Variants in NAALADL2 observed in about 807,000 individuals in gnomAD.
The protein encoded by NAALADL2 is N-acetylated alpha-linked acidic dipeptidase like 2.
NAALADL2 carries 76 observed loss-of-function variants against 87.2 expected under a neutral mutation model. The observed-to-expected ratio is 0.87, with a 90% CI of 0.72 to 1.05. The LOEUF (loss-of-function observed/expected upper bound fraction) is 1.05. NAALADL2 is among the 50% of genes least tolerant of loss of function. NAALADL2 has a pLI of 0.00. For synonymous variants in NAALADL2, 354 were observed against 331.0 expected, an observed-to-expected ratio of 1.07 and a Z score of -0.75; for missense variants, 1,089 against 945.8, an observed-to-expected ratio of 1.15 and a Z score of -1.99.
At chr3:175,357,776 T>C (rs1436710674) in intron 5 of NAALADL2, among the ~76,000 whole-genome samples, 1 of 152,192 alleles carries the variant, frequency 6.6e-6, no homozygotes, top group East Asian at 1.9e-4. Flanking sequence ...AAAGTAATGG[T>C]AGGTGTGCCT....
intron 4 of NAALADL2, among the ~76,000 whole-genome samples, chr3:175,289,027 A>G (rs946788942): frequency 2.0e-5 from 3 of 152,136 alleles, no homozygotes; most frequent in African/African-American, 7.2e-5. Flanking sequence ...GGATTAATAT[A>G]TTTGTTACTT....
intron 1 of NAALADL2, among the ~76,000 whole-genome samples, chr3:174,442,110 G>A (rs1714696999): frequency 6.6e-6 from 1 of 152,100 alleles, no homozygotes; most frequent in Non-Finnish European, 1.5e-5. Context: ...ACGGTTCTTT[G>A]TCATCTGTGA....
intron 10 of NAALADL2, among the ~76,000 whole-genome samples, chr3:175,587,791 G>A (rs1168924490): frequency 6.6e-6 from 1 of 152,114 alleles, no homozygotes; most frequent in Non-Finnish European, 1.5e-5. Context: ...TTGCATATGT[G>A]TGGACACCCA....
At chr3:174,620,673 A>T (rs1255737058) in intron 2 of NAALADL2, among the ~76,000 whole-genome samples, 3 of 152,088 alleles carry the variant, frequency 2.0e-5, no homozygotes, top group African/African-American at 4.8e-5. Context: ...AAACTGAACT[A>T]GGAAAATCTT....
chr3:174,929,582 T>C (rs1280865624), intron 1 of NAALADL2, among the ~76,000 whole-genome samples: 2 of 152,148 alleles, frequency 1.3e-5, no homozygotes, highest in South Asian at 2.1e-4. Context: ...ATACATATTA[T>C]TATGAAAATT....
intron 9 of NAALADL2, among the ~76,000 whole-genome samples, chr3:175,527,964 C>T (rs1047818185): frequency 3.9e-5 from 6 of 152,018 alleles, no homozygotes; most frequent in Admixed American, 1.3e-4. Context: ...CCACAGATTC[C>T]GAATCTTGTT....
rs761623724 is a variant in NAALADL2, at chr3:175,372,348, T to TA, written c.1090+48024dup. The stretch of plus-strand genomic sequence containing the variant: ...TTCTCTATATCTACCTAGTATCAGT[T>TA]AGAGTTTCGTGTTTTCCTTCATGTA... On this transcript the variant is annotated intron_variant, in intron 5 of 13. Transcript: ENST00000454872. 6.6e-5 allele frequency among the ~76,000 whole-genome samples: 10 copies of TA among 152,372 alleles called. No individual in the cohort carries two copies. In the South Asian group the frequency reaches 1.9e-3, roughly 28 times the overall value.
At chr3:175,464,738 A>T (rs930297942) in intron 7 of NAALADL2, among the ~76,000 whole-genome samples, 1 of 152,208 alleles carries the variant, frequency 6.6e-6, no homozygotes, top group African/African-American at 2.4e-5. Context: ...TACAAAGTTC[A>T]TGAAAGCCAG....
At chr3:174,669,976 T>G (rs1726370377) in intron 2 of NAALADL2, among the ~76,000 whole-genome samples, 1 of 152,122 alleles carries the variant, frequency 6.6e-6, no homozygotes, top group African/African-American at 2.4e-5. Flanking sequence ...AGTTTATTTC[T>G]AAGTATTTTA....
chr3:174,702,577 G>A (rs150765246), intron 2 of NAALADL2, among the ~76,000 whole-genome samples: 203 of 152,330 alleles, frequency 1.3e-3, no homozygotes, highest in Non-Finnish European at 2.5e-3. Flanking sequence ...ATCATAGAGT[G>A]TACTTACACA....
intron 10 of NAALADL2, among the ~76,000 whole-genome samples, chr3:175,614,551 C>T (rs1462643785): frequency 6.6e-6 from 1 of 152,126 alleles, no homozygotes; most frequent in African/African-American, 2.4e-5. Flanking sequence ...AGCCTCCTGC[C>T]TATCAGAAAA....
intron 13 of NAALADL2, among the ~76,000 whole-genome samples, chr3:175,789,835 C>T (rs1752561164): frequency 1.3e-5 from 2 of 152,120 alleles, no homozygotes; most frequent in African/African-American, 4.8e-5. Flanking sequence ...TAGTACCACA[C>T]ATCTTACAAA....
chr3:175,725,981 A>G (rs1742864668), intron 11 of NAALADL2, among the ~76,000 whole-genome samples: 1 of 152,134 alleles, frequency 6.6e-6, no homozygotes. Context: ...ACTACTAAAC[A>G]TAGTAAAAAT....
At chr3:175,252,691 A>G (rs770126086) in intron 3 of NAALADL2, among the ~76,000 whole-genome samples, 2 of 152,228 alleles carry the variant, frequency 1.3e-5, no homozygotes, top group Non-Finnish European at 2.9e-5. Context: ...CCTTGTGTCA[A>G]ACAGCCAAGT....
At chr3:175,006,381 T>C (rs1274160630) in intron 1 of NAALADL2, among the ~76,000 whole-genome samples, 1 of 152,172 alleles carries the variant, frequency 6.6e-6, no homozygotes, top group Non-Finnish European at 1.5e-5. Flanking sequence ...TTATATGTCT[T>C]ACCATACCCA....
At chr3:175,209,533 T>C (rs907649276) in intron 2 of NAALADL2, among the ~76,000 whole-genome samples, 5 of 152,074 alleles carry the variant, frequency 3.3e-5, no homozygotes, top group Non-Finnish European at 7.4e-5. Flanking sequence ...AGTGCTTTAG[T>C]TGAACTTCTC....
At chr3:175,323,179 T>C (rs1438122193) in intron 4 of NAALADL2, among the ~76,000 whole-genome samples, 1 of 149,896 alleles carries the variant, frequency 6.7e-6, no homozygotes, top group African/African-American at 2.5e-5. Flanking sequence ...TGAGTTCATG[T>C]CCTTTGTAGG....
intron 1 of NAALADL2, among the ~76,000 whole-genome samples, chr3:174,966,228 T>C (rs1742842678): frequency 6.6e-6 from 1 of 152,178 alleles, no homozygotes; most frequent in African/African-American, 2.4e-5. Flanking sequence ...TTGTTTCTCC[T>C]TGATCTTGAA....
Position 175,807,891 on chromosome 3 carries a change from G to A in NAALADL2, c.*4688G>A, listed in dbSNP as rs1021844630. The A allele has an allele frequency of 2.6e-5, 4 of 151,868 alleles. No individual in the cohort carries two copies. Among genetic ancestry groups the A allele is most frequent in the African/African-American group, 9.7e-5 (4 of 41,400 alleles). 9.4% of individuals were successfully genotyped at this position (151,868 alleles called of 1,614,324 possible). A position where few individuals can be genotyped will look rare whatever the true frequency, so the allele number is the denominator to read the frequency against. ...AAATAATTTTCAGTTAAGTAGATTTGTTTTGTGCACTTCACAACTTTTAGG... is the reference window on the plus strand; with the variant it reads ...AAATAATTTTCAGTTAAGTAGATTTATTTTGTGCACTTCACAACTTTTAGG... On this transcript the variant is annotated 3_prime_UTR_variant, in exon 14 of 14. Transcript: ENST00000454872.
Sources: allele counts gnomAD v4.1 joint callset (sites outside exome capture counted in the v4.1 genomes callset), GRCh38; gene constraint gnomAD v4.1.1; transcripts MANE v1.5; gene names NCBI Gene and HGNC (gene_info 2026-07-23, HGNC 2026-07-21).